ANKS1A: variants seen among roughly 807,000 people sequenced by gnomAD.
The protein encoded by ANKS1A is ankyrin repeat and sterile alpha motif domain containing 1A.
In ANKS1A, 55 loss-of-function variants were observed where a neutral mutation model predicts 120.3. The observed-to-expected ratio is 0.46, with a 90% confidence interval of 0.37 to 0.57. The LOEUF (loss-of-function observed/expected upper bound fraction) is 0.57, where lower values mean the gene tolerates loss of function less well. ANKS1A is among the 20% of genes least tolerant of loss of function. ANKS1A has a pLI of 0.00. For missense variants in ANKS1A, 1,123 were observed against 1,480.3 expected, an observed-to-expected ratio of 0.76 and a Z score of 3.96; for synonymous variants, 590 against 604.7, an observed-to-expected ratio of 0.98 and a Z score of 0.36.
intron 13 of ANKS1A, chr6:35,071,006 TCC>T (rs1777059608): frequency 3.9e-6 from 2 of 518,644 alleles, no homozygotes; most frequent in Non-Finnish European, 3.6e-6. Flanking sequence ...GCCTGCCCAT[TCC>T]CCTAGTTTCT....
rs549399118 is a variant in ANKS1A at position 35,043,905 on chromosome 6, C to T, written c.2011-10194C>T. ...TGTGAAGCAATCTGAGTATAGATTT[C>T]TTTTGGAATTTTTTACAACTTACTT... On this transcript the variant is annotated intron_variant, in intron 11 of 23. Coordinates refer to ENST00000360359, the MANE Select transcript of ANKS1A (RefSeq NM_015245.3). Among the ~76,000 whole-genome samples the T allele has an allele frequency of 2.0e-5, 3 of 152,274 alleles. No individual in the cohort carries two copies. In the East Asian group the frequency reaches 5.8e-4, roughly 29 times the overall value.
At chr6:35,097,423 C>T in the ANKS1A span, among the ~76,000 whole-genome samples, 9 of 151,652 alleles carry the variant, frequency 5.9e-5, no homozygotes, top group African/African-American at 1.9e-4. Context: ...GCGGGAGAAT[C>T]GCTTGAACCC....
At chr6:34,992,685 A>G (rs1269574052) in intron 9 of ANKS1A, among the ~76,000 whole-genome samples, 5 of 152,230 alleles carry the variant, frequency 3.3e-5, no homozygotes, top group Admixed American at 3.3e-4. Context: ...AGAGGCAAGG[A>G]ATAAGTAATA....
chr6:35,012,023 ACTT>A, intron 10 of ANKS1A, among the ~76,000 whole-genome samples: 1 of 152,306 alleles, frequency 6.6e-6, no homozygotes, highest in African/African-American at 2.4e-5. Context: ...CAAAGCCTGT[ACTT>A]TTAACCATGA....
intron 11 of ANKS1A, among the ~76,000 whole-genome samples, chr6:35,043,613 C>T (rs1775574915): frequency 6.6e-6 from 1 of 152,202 alleles, no homozygotes; most frequent in Non-Finnish European, 1.5e-5. Flanking sequence ...GTAGAAGCCT[C>T]TTACATGGCC....
intron 3 of ANKS1A, among the ~76,000 whole-genome samples, chr6:34,975,027 G>A (rs1206467842): frequency 6.6e-6 from 1 of 152,204 alleles, no homozygotes; most frequent in Non-Finnish European, 1.5e-5. Flanking sequence ...GTTCTTGAAA[G>A]TACATTTTCC....
rs564491517 is a variant in ANKS1A, at chr6:35,035,585, C to T, written c.2010+17526C>T. Among the ~76,000 whole-genome samples the T allele has an allele frequency of 1.3e-3, 193 of 152,276 alleles. 1 individual carries two copies. The highest frequency in any genetic ancestry group is 2.2e-3 in the Non-Finnish European group (147 of 68,026). On this transcript the variant is annotated intron_variant, in intron 11 of 23. Coordinates refer to ENST00000360359, the MANE Select transcript of ANKS1A (RefSeq NM_015245.3). ...CATGGCCATTGCTGGCCTCTGTTTC[C>T]ACCCTCATGTCACATTGACACATGG...
chr6:34,889,461 A>T lies in ANKS1A; in HGVS notation c.59A>T (p.Glu20Val). 7.8e-7 allele frequency: 1 copy of T among 1,288,068 alleles called. No homozygotes were observed. Among genetic ancestry groups the T allele is most frequent in the Non-Finnish European group, 9.8e-7 (1 of 1,022,400 alleles). The allele number at this position is 1,288,068 out of a possible 1,614,324, so 79.8% of individuals were successfully genotyped here. ...CGCACCGGGCACCTCCCGGCGGTGG[A>T]GAAGCTGCTGTCCGGGAAGCGGCTC... Reference protein sequence around the residue: ...AARTGHLPAVEKLLSGKRLSS... With the variant: ...AARTGHLPAVVKLLSGKRLSS... The change falls in exon 1 of 24, where the codon GAG becomes GTG. Residue 20 changes from glutamate to valine, a missense_variant. Glu to Val is a moderately radical substitution (Grantham distance 121). Coordinates refer to ENST00000360359, the MANE Select transcript of ANKS1A (RefSeq NM_015245.3). This position sits in a 1 kb window ranked among gnomAD's most constrained non-coding sequence, Gnocchi z 5.5.
At position 35,089,362 on chromosome 6, in the gene ANKS1A, G is replaced by T; in HGVS notation, c.*753G>T. 1 of 986,744 alleles carries T rather than the reference G, an allele frequency of 1.0e-6. No individual in the cohort carries two copies. The highest frequency in any genetic ancestry group is 1.2e-6 in the Non-Finnish European group (1 of 830,604). The allele number at this position is 986,744 out of a possible 1,614,324, so 61.1% of individuals were successfully genotyped here. A position where few individuals can be genotyped will look rare whatever the true frequency, so the allele number is the denominator to read the frequency against. ...GGGAAGTCTTAGCCAGCACCAGAGCGCCAGGCCTCTCCCTGGCCTCTTACC... is the reference window on the plus strand; with the variant it reads ...GGGAAGTCTTAGCCAGCACCAGAGCTCCAGGCCTCTCCCTGGCCTCTTACC... On this transcript the variant is annotated 3_prime_UTR_variant, in exon 24 of 24. Coordinates refer to ENST00000360359, the MANE Select transcript of ANKS1A (RefSeq NM_015245.3).
chr6:34,890,933 A>C (rs1445837954), intron 1 of ANKS1A, among the ~76,000 whole-genome samples: 2 of 152,256 alleles, frequency 1.3e-5, no homozygotes, highest in African/African-American at 4.8e-5. Flanking sequence ...GTACCAACCC[A>C]GGTCTTTACA....
chr6:35,065,181 G>T (rs1181092296), intron 13 of ANKS1A, among the ~76,000 whole-genome samples: 4 of 152,090 alleles, frequency 2.6e-5, no homozygotes, highest in Admixed American at 1.3e-4. Flanking sequence ...CTCATTTGGG[G>T]CCTATTTCCA....
At chr6:34,949,743 C>G (rs1468900708) in intron 1 of ANKS1A, among the ~76,000 whole-genome samples, 4 of 152,166 alleles carry the variant, frequency 2.6e-5, no homozygotes, top group African/African-American at 9.7e-5. Flanking sequence ...GTCCACTCGC[C>G]TTTGAAATCA....
At chr6:35,007,708 A>G (rs1773536866) in intron 10 of ANKS1A, among the ~76,000 whole-genome samples, 1 of 152,374 alleles carries the variant, frequency 6.6e-6, no homozygotes, top group East Asian at 1.9e-4. Flanking sequence ...ACAGAGGACA[A>G]TCATGAATGA....
In ANKS1A at chr6:34,889,535, G is replaced by A. The variant is rs1431549371; in HGVS notation, c.133G>A (p.Gly45Ser). The change falls in exon 1 of 24, where the codon GGC becomes AGC. Residue 45 changes from glycine to serine, a missense_variant. Gly to Ser is a moderately conservative substitution (Grantham distance 56, BLOSUM62 0). Around this residue, in one of 3 missense-constraint regions of ANKS1A, gnomAD observed 73 missense variants for 82.2 expected, o/e 0.89. Transcript: ENST00000360359. This position sits in a 1 kb window ranked among gnomAD's most constrained non-coding sequence, Gnocchi z 5.5. The stretch of plus-strand genomic sequence containing the variant: ...CGGCGGTGGCTCTGGGGGCGGCGGC[G>A]GCGGCAGCGGCGGCGGCGGCGGCGG... ...GGGGGSGGGG[G>S]GSGGGGGGLG... The A allele has an allele frequency of 1.6e-6, 2 of 1,269,338 alleles. No homozygotes were observed. The highest frequency in any genetic ancestry group is 4.2e-5 in the Admixed American group (1 of 23,956). The allele number at this position is 1,269,338 out of a possible 1,614,324, so 78.6% of individuals were successfully genotyped here. A position where few individuals can be genotyped will look rare whatever the true frequency, so the allele number is the denominator to read the frequency against.
intron 1 of ANKS1A, among the ~76,000 whole-genome samples, chr6:34,956,491 G>C (rs1331221052): frequency 6.6e-6 from 1 of 152,128 alleles, no homozygotes; most frequent in Non-Finnish European, 1.5e-5. Flanking sequence ...GGTGGGAAGA[G>C]ATTGTCAAGG....
intron 17 of ANKS1A, among the ~76,000 whole-genome samples, chr6:35,081,443 C>T (rs781345880): frequency 3.0e-4 from 45 of 152,172 alleles, no homozygotes; most frequent in African/African-American, 3.9e-4. Context: ...ATCCCCTGTC[C>T]GCTCTTTCTC....
chr6:34,917,223 C>T (rs901423414), intron 1 of ANKS1A, among the ~76,000 whole-genome samples: 1 of 152,220 alleles, frequency 6.6e-6, no homozygotes, highest in African/African-American at 2.4e-5. Flanking sequence ...GCCCCAGCAG[C>T]CTGCTGACAG....
chr6:34,929,007 A>G (rs1277717551), intron 1 of ANKS1A, among the ~76,000 whole-genome samples: 1 of 152,196 alleles, frequency 6.6e-6, no homozygotes, highest in Admixed American at 6.5e-5. Flanking sequence ...AGTTTCTTAG[A>G]AATCTCAGAA....
At chr6:34,898,282 A>C (rs767359499) in intron 1 of ANKS1A, among the ~76,000 whole-genome samples, 1 of 152,186 alleles carries the variant, frequency 6.6e-6, no homozygotes, top group Non-Finnish European at 1.5e-5. Context: ...AAAAGCCTGA[A>C]AATTGGCAAT....
Sources: gnomAD v4.1 joint callset for allele counts (sites outside exome capture counted in the v4.1 genomes callset) on GRCh38, gnomAD v4.1.1 for gene constraint, gnomAD v4.1.1 regional missense constraint, Gnocchi (gnomAD v3.1) non-coding constraint, MANE v1.5 for transcripts, NCBI Gene and HGNC (gene_info 2026-07-23, HGNC 2026-07-21) for gene names.